Variants in ARID1A observed in about 807,000 individuals in gnomAD.
ARID1A encodes the protein AT-rich interactive domain-containing protein 1A.
Under a neutral mutation model 212.6 loss-of-function variants are expected in ARID1A, and 20 were observed. That is an observed-to-expected ratio of 0.09 (90% CI 0.07 to 0.14). The LOEUF is 0.14. Ranked by LOEUF, ARID1A falls within the 10% of genes least tolerant of loss-of-function variation. The pLI is 1.00. For synonymous variants in ARID1A, 1,376 were observed against 1,222.1 expected (o/e 1.13, Z -2.63); for missense variants, 2,587 against 3,059.0 (o/e 0.85, Z 3.64).
In ARID1A at chr1:26,780,537, C is replaced by G. The variant is rs746357353; in HGVS notation, c.6639C>G (p.Ala2213=). The stretch of plus-strand genomic sequence containing the variant: ...CCACACAGTTCCAGCAGAGCCAGGC[C>G]AGCCTCCTCCACATGCAGAACCCAC... The part of the protein sequence containing the change: ...LAATQFQQSQ[A]SLLHMQNPPF... The change falls in exon 20 of 20, where the codon GCC becomes GCG. Residue 2213 remains alanine, a synonymous_variant. Coordinates refer to ENST00000324856, the MANE Select transcript of ARID1A (RefSeq NM_006015.6). The surrounding 1 kb of genome is among the most constrained non-coding windows in gnomAD (Gnocchi z 7.2). 6 of 1,614,050 alleles carry G rather than the reference C, an allele frequency of 3.7e-6. No individual in the cohort carries two copies. Among genetic ancestry groups the G allele is most frequent in the Non-Finnish European group, 1.7e-6 (2 of 1,180,022 alleles).
intron 7 of ARID1A, among the ~76,000 whole-genome samples, 170 bp downstream of exon 7, chr1:26,762,489 A>C (rs984902526): frequency 6.6e-6 from 1 of 152,186 alleles, no homozygotes; most frequent in African/African-American, 2.4e-5. Context: ...ATTTGTCTCC[A>C]CTTATTCTGT....
intron 4 of ARID1A, among the ~76,000 whole-genome samples, chr1:26,742,234 C>G (rs530264506): frequency 6.6e-6 from 1 of 152,212 alleles, no homozygotes; most frequent in East Asian, 1.9e-4. Flanking sequence ...TTCCATTTTA[C>G]TTCTGTTTTC....
rs1308190252 is a variant in ARID1A at position 26,696,734 on chromosome 1, C to A, written c.331C>A (p.Pro111Thr). 1 of 1,377,000 alleles carries A rather than the reference C, an allele frequency of 7.3e-7. No individual in the cohort carries two copies. The highest frequency in any genetic ancestry group is 1.7e-5 in the South Asian group (1 of 59,164). The allele number at this position is 1,377,000 out of a possible 1,614,324, so 85.3% of individuals were successfully genotyped here. The change falls in exon 1 of 20, where the codon CCC becomes ACC. Residue 111 changes from proline to threonine, a missense_variant. By Grantham distance (38) the Pro-to-Thr change is conservative. Around this residue, in one of 11 missense-constraint regions of ARID1A, gnomAD observed 735 missense variants for 590.6 expected, o/e 1.24. Transcript: ENST00000324856. The part of the protein sequence containing the change: ...KNSNGNAGPR[P>T]ALNNNLTEPP... Reference sequence around the variant, plus strand: ...CTCGAACGGGAACGCGGGCCCTAGGCCCGCCCTGAACAATAACCTCACGGA... The same window carrying A: ...CTCGAACGGGAACGCGGGCCCTAGGACCGCCCTGAACAATAACCTCACGGA...
At chr1:26,704,878 T>G (rs1033163347) in intron 1 of ARID1A, among the ~76,000 whole-genome samples, 5 of 151,984 alleles carry the variant, frequency 3.3e-5, no homozygotes, top group African/African-American at 1.2e-4. Flanking sequence ...AAAAAAAATT[T>G]GTTTTTTATT....
In ARID1A at chr1:26,760,927, A is replaced by G; in HGVS notation, c.1992A>G (p.Ser664=). ...CTCTGAGTCCTGGAGTGAGCACATC[A>G]GGGATTTCCAGCAGCCAAGGAGAGC... ...EGALSPGVST[S]GISSSQGEQS... is the part of the protein sequence containing the mutation. Residue 664 remains serine, a synonymous_variant, in exon 5 of 20, where the codon TCA becomes TCG. Transcript: ENST00000324856. 2 of 1,614,126 alleles carry G rather than the reference A, an allele frequency of 1.2e-6. No homozygotes were observed. Among genetic ancestry groups the G allele is most frequent in the South Asian group, 2.2e-5 (2 of 91,084 alleles).
chr1:26,742,619 C>CT (rs1318671624), intron 4 of ARID1A, among the ~76,000 whole-genome samples: 1 of 152,060 alleles, frequency 6.6e-6, no homozygotes, highest in Non-Finnish European at 1.5e-5. Context: ...ATTCATGTGT[C>CT]TAATGGTTTA....
intron 1 of ARID1A, among the ~76,000 whole-genome samples, chr1:26,704,217 G>A (rs1296253385): frequency 6.6e-6 from 1 of 152,136 alleles, no homozygotes; most frequent in South Asian, 2.1e-4. Flanking sequence ...TTGTGGTCAG[G>A]TAGAGCCTTT....
Position 26,696,048 on chromosome 1 carries a change from C to T in ARID1A, c.-356C>T. 1 of 685,282 alleles carries T rather than the reference C, an allele frequency of 1.5e-6. No homozygotes were observed. Among genetic ancestry groups the T allele is most frequent in the Non-Finnish European group, 1.8e-6 (1 of 549,246 alleles). The allele number at this position is 685,282 out of a possible 1,614,324, so 42.5% of individuals were successfully genotyped here. ...TCCGGCAGCAGAAAGCGGAGAGTCA[C>T]AGCGGGGCCAGGCCCTGGGGAGCGG... On this transcript the variant is annotated 5_prime_UTR_variant, in exon 1 of 20. Coordinates refer to ENST00000324856, the MANE Select transcript of ARID1A (RefSeq NM_006015.6).
At chr1:26,724,720 G>T (rs934733231) in intron 1 of ARID1A, among the ~76,000 whole-genome samples, 1 of 152,172 alleles carries the variant, frequency 6.6e-6, no homozygotes, top group African/African-American at 2.4e-5. Context: ...GTTGTAAGAG[G>T]TTCCAGTAGC....
rs752438201 is a variant in ARID1A at position 26,771,087 on chromosome 1, T to TA, written c.3199-31dup. 1.2e-6 allele frequency: 2 copies of TA among 1,608,168 alleles called. No individual in the cohort carries two copies. The highest frequency in any genetic ancestry group is 1.7e-5 in the Admixed American group (1 of 59,958). On this transcript the variant is annotated intron_variant, in intron 11 of 19. Transcript: ENST00000324856. This position sits in a 1 kb window ranked among gnomAD's most constrained non-coding sequence, Gnocchi z 5.4. ...ATGGGCAGGAAAACCAGGCGGGAGATATACCTCGACTCCTTTGGTTTGGTT... is the reference window on the plus strand; with the variant it reads ...ATGGGCAGGAAAACCAGGCGGGAGATAATACCTCGACTCCTTTGGTTTGGTT...
chr1:26,754,000 G>T (rs1195948956), intron 4 of ARID1A, among the ~76,000 whole-genome samples: 1 of 152,066 alleles, frequency 6.6e-6, no homozygotes, highest in African/African-American at 2.4e-5. Flanking sequence ...GTAGAGATGG[G>T]GTTTCACTGT....
At chr1:26,750,315 A>G (rs966888650) in intron 4 of ARID1A, among the ~76,000 whole-genome samples, 4 of 152,194 alleles carry the variant, frequency 2.6e-5, no homozygotes, top group African/African-American at 4.8e-5. Context: ...CCCAAGGCTA[A>G]AAAACAATTT....
At chr1:26,753,018 T>C (rs963488317) in intron 4 of ARID1A, 4 of 152,222 alleles carry the variant, frequency 2.6e-5, no homozygotes, top group Non-Finnish European at 5.9e-5. Flanking sequence ...CATGAGCCTA[T>C]TCTTTATACT....
intron 1 of ARID1A, among the ~76,000 whole-genome samples, chr1:26,704,380 G>C (rs1345534259): frequency 6.6e-6 from 1 of 152,174 alleles, no homozygotes; most frequent in Non-Finnish European, 1.5e-5. Flanking sequence ...GGCAGAGTTA[G>C]TTGACCTTTC....
In ARID1A at chr1:26,731,330, A is replaced by G. The variant is rs200920292; in HGVS notation, c.1529A>G (p.Gln510Arg). 6.2e-7 allele frequency: 1 copy of G among 1,613,320 alleles called. No individual in the cohort carries two copies. The highest frequency in any genetic ancestry group is 2.2e-5 in the East Asian group (1 of 44,846). The change falls in exon 3 of 20, where the codon CAG becomes CGG. Residue 510 changes from glutamine (Q) to arginine (R), a missense_variant. This residue lies in a region of ARID1A where 674 missense variants were observed against 813.4 expected (regional missense o/e 0.83). Transcript: ENST00000324856. ...CAGCAGCCACAGTCTCAACCACCAC[A>G]GCTCCAGTCCTCTCAGCCTCCATAC... is the stretch of plus-strand genomic sequence containing the variant. ...YQQQPQSQPPQLQSSQPPYSQ... is the reference protein window; with the variant it reads ...YQQQPQSQPPRLQSSQPPYSQ...
rs376782074 is a variant in ARID1A, at chr1:26,763,522, T to C, written c.2732+237T>C. Among the ~76,000 whole-genome samples the C allele has an allele frequency of 1.6e-4, 25 of 152,276 alleles. No homozygotes were observed. The South Asian group carries it at 2.9e-3, about 18-fold the overall frequency. ...GCGTGGCGGCTCATGCCTGTAATCC[T>C]AGCACTTTGGGAGGCCAAGGCGGGC... On this transcript the variant is annotated intron_variant, in intron 8 of 19. Transcript: ENST00000324856.
In ARID1A at chr1:26,756,127, C is replaced by T. The variant is rs1234265891; in HGVS notation, c.1921-4729C>T. On this transcript the variant is annotated intron_variant, in intron 4 of 19. Coordinates refer to ENST00000324856, the MANE Select transcript of ARID1A (RefSeq NM_006015.6). Reference sequence around the variant, plus strand: ...TCAGTACATGTCCAAAGATACACACCAAGGCCAGGGGCAGTGGCTCATGCC... The same window carrying T: ...TCAGTACATGTCCAAAGATACACACTAAGGCCAGGGGCAGTGGCTCATGCC... 2.0e-5 allele frequency among the ~76,000 whole-genome samples: 3 copies of T among 151,962 alleles called. No homozygotes were observed. In the East Asian group the frequency reaches 5.8e-4, roughly 29 times the overall value.
intron 10 of ARID1A, 105 bp from the exon 11 acceptor site, chr1:26,767,685 C>T (rs901807069): frequency 3.4e-6 from 4 of 1,177,650 alleles, no homozygotes; most frequent in African/African-American, 3.1e-5. Context: ...GTAACCACCC[C>T]AGAGTAAGAA....
At chr1:26,746,366 T>C (rs1449975556) in intron 4 of ARID1A, among the ~76,000 whole-genome samples, 5 of 152,204 alleles carry the variant, frequency 3.3e-5, no homozygotes, top group African/African-American at 1.2e-4. Context: ...TTGCTGTTGG[T>C]GCTTTTCTGT....
Sources: allele counts gnomAD v4.1 joint callset (sites outside exome capture counted in the v4.1 genomes callset), GRCh38; gene constraint gnomAD v4.1.1; regional missense constraint gnomAD v4.1.1; non-coding constraint Gnocchi (gnomAD v3.1); transcripts MANE v1.5; gene names NCBI Gene and HGNC (gene_info 2026-07-23, HGNC 2026-07-21).